The following CSMD1 variants were observed in gnomAD, a reference collection of about 807,000 sequenced individuals.
CSMD1 encodes the protein CUB and Sushi multiple domains 1, also known as CUB and sushi domain-containing protein 1.
In CSMD1, 213 loss-of-function variants were observed where a neutral mutation model predicts 417.5. The ratio of observed to expected loss-of-function variants is 0.51; its 90% CI spans 0.46 to 0.57. The LOEUF (loss-of-function observed/expected upper bound fraction) is 0.57, where lower values mean the gene tolerates loss of function less well. CSMD1 is among the 20% of genes least tolerant of loss of function. CSMD1 has a pLI of 0.00. For synonymous variants in CSMD1, 2,862 were observed against 1,736.8 expected, an observed-to-expected ratio of 1.65 and a Z score of -16.11; for missense variants, 6,923 against 4,529.7, an observed-to-expected ratio of 1.53 and a Z score of -15.17.
chr8:3,765,398 T>TA (rs1170555543), intron 5 of CSMD1, among the ~76,000 whole-genome samples: 1 of 152,184 alleles, frequency 6.6e-6, no homozygotes, highest in Non-Finnish European at 1.5e-5. Flanking sequence ...CTCCTACCTT[T>TA]ACAGCATTTG....
intron 5 of CSMD1, among the ~76,000 whole-genome samples, chr8:3,787,950 T>A (rs1269413823): frequency 2.0e-5 from 3 of 152,180 alleles, no homozygotes; most frequent in Non-Finnish European, 4.4e-5. Context: ...CAGAAATCCT[T>A]GCATGGGCTC....
At chr8:4,082,751 C>T (rs1038024405) in intron 3 of CSMD1, among the ~76,000 whole-genome samples, 1 of 144,638 alleles carries the variant, frequency 6.9e-6, no homozygotes, top group African/African-American at 2.6e-5. Flanking sequence ...TCTCCTGATG[C>T]TATCCCTCCC....
At position 3,493,226 on chromosome 8, in the gene CSMD1, G is replaced by A. The variant is rs372255208; in HGVS notation, c.1448+397C>T. 4.7e-5 allele frequency among the ~76,000 whole-genome samples: 7 copies of A among 150,264 alleles called. No individual in the cohort carries two copies. In the East Asian group the frequency reaches 5.9e-4, roughly 13 times the overall value. The stretch of plus-strand genomic sequence containing the variant: ...GGTGAATTGCTTGAACCCGGGAGGC[G>A]GAGGTTGCAGTGAGCCGAGATCTGA... On this transcript the variant is annotated intron_variant, in intron 11 of 69. Coordinates refer to ENST00000635120, the MANE Select transcript of CSMD1 (RefSeq NM_033225.6).
intron 59 of CSMD1, among the ~76,000 whole-genome samples, chr8:2,964,023 G>C (rs994628531): frequency 1.1e-4 from 17 of 152,276 alleles, no homozygotes; most frequent in African/African-American, 3.6e-4. Context: ...TGTCACGAGA[G>C]ATCACCTTCC....
chr8:4,740,928 C>G (rs1475245350), intron 1 of CSMD1, among the ~76,000 whole-genome samples: 1 of 151,986 alleles, frequency 6.6e-6, no homozygotes, highest in Non-Finnish European at 1.5e-5. Context: ...AGTTTCAAAA[C>G]AAAAAACACT....
chr8:4,392,061 G>T (rs1426378927), intron 3 of CSMD1, among the ~76,000 whole-genome samples: 1 of 152,118 alleles, frequency 6.6e-6, no homozygotes, highest in Non-Finnish European at 1.5e-5. Context: ...CGACCCTGTG[G>T]GACACCATGG....
At chr8:3,600,824 C>T (rs529899058) in intron 8 of CSMD1, among the ~76,000 whole-genome samples, 4 of 151,324 alleles carry the variant, frequency 2.6e-5, no homozygotes, top group South Asian at 2.1e-4. Flanking sequence ...TGTTTTGCAA[C>T]ATTCATATGC....
intron 2 of CSMD1, among the ~76,000 whole-genome samples, chr8:4,477,764 C>G (rs1477634551): frequency 6.6e-6 from 1 of 152,134 alleles, no homozygotes; most frequent in Non-Finnish European, 1.5e-5. Flanking sequence ...ACTCACAATA[C>G]TGTATTTTAA....
intron 7 of CSMD1, among the ~76,000 whole-genome samples, chr8:3,653,552 G>A (rs1025973740): frequency 6.6e-6 from 1 of 152,084 alleles, no homozygotes; most frequent in African/African-American, 2.4e-5. Context: ...CAAGTAATCA[G>A]CGCACCTCAG....
At chr8:4,882,690 G>A (rs1422515484) in intron 1 of CSMD1, among the ~76,000 whole-genome samples, 5 of 151,712 alleles carry the variant, frequency 3.3e-5, no homozygotes, top group Admixed American at 6.6e-5. Context: ...TTGATGTGCC[G>A]TTTATTTCCT....
intron 28 of CSMD1, among the ~76,000 whole-genome samples, chr8:3,222,646 G>T (rs1798284783): frequency 6.6e-6 from 1 of 152,042 alleles, no homozygotes; most frequent in Non-Finnish European, 1.5e-5. Context: ...TGAAACCAGA[G>T]GTGCCTCCTA....
chr8:4,100,882 A>T (rs1421452364), intron 3 of CSMD1, among the ~76,000 whole-genome samples: 3 of 152,212 alleles, frequency 2.0e-5, no homozygotes, highest in African/African-American at 7.2e-5. Context: ...GAAAGCCTCC[A>T]TTTATACAAG....
intron 3 of CSMD1, among the ~76,000 whole-genome samples, chr8:4,227,100 T>C (rs1183804183): frequency 6.6e-6 from 1 of 152,200 alleles, no homozygotes; most frequent in Non-Finnish European, 1.5e-5. Context: ...CTGAGGTCTT[T>C]TCTGGGAAGG....
chr8:4,453,985 C>G (rs551662042), intron 2 of CSMD1, among the ~76,000 whole-genome samples: 2 of 151,814 alleles, frequency 1.3e-5, no homozygotes, highest in African/African-American at 4.8e-5. Context: ...CCGCGCCCGG[C>G]TAATTTTTTG....
intron 5 of CSMD1, among the ~76,000 whole-genome samples, chr8:3,909,012 G>A (rs1387596495): frequency 2.0e-5 from 3 of 152,314 alleles, no homozygotes; most frequent in South Asian, 2.1e-4. Flanking sequence ...TACTGTAGGA[G>A]GCTTGCCTTT....
intron 52 of CSMD1, among the ~76,000 whole-genome samples, chr8:3,016,237 A>G (rs76475391): frequency 0.023 from 3,529 of 152,256 alleles, 132 homozygotes; most frequent in African/African-American, 0.079. Context: ...GGAGGTATCC[A>G]TTTGCTACTC....
At chr8:4,728,759 G>A (rs1356785780) in intron 1 of CSMD1, among the ~76,000 whole-genome samples, 2 of 148,508 alleles carry the variant, frequency 1.3e-5, no homozygotes, top group East Asian at 2.0e-4. Flanking sequence ...AATGTCTGCT[G>A]AAAAAAAAAA....
At chr8:4,986,028 C>T (rs1053473755) in intron 1 of CSMD1, among the ~76,000 whole-genome samples, 4 of 152,130 alleles carry the variant, frequency 2.6e-5, no homozygotes, top group Admixed American at 2.0e-4. Context: ...CTGCAATGCT[C>T]GACTATCCCA....
intron 1 of CSMD1, among the ~76,000 whole-genome samples, chr8:4,939,061 G>A (rs555558336): frequency 8.7e-4 from 133 of 152,222 alleles, no homozygotes; most frequent in African/African-American, 3.0e-3. Flanking sequence ...CAGATGCACA[G>A]TTTGCAAATA....
Sources: gnomAD v4.1 joint callset for allele counts (sites outside exome capture counted in the v4.1 genomes callset) on GRCh38, gnomAD v4.1.1 for gene constraint, MANE v1.5 for transcripts, NCBI Gene and HGNC (gene_info 2026-07-23, HGNC 2026-07-21) for gene names.